The following RSBN1L variants were observed in gnomAD, a reference collection of about 807,000 sequenced individuals.
RSBN1L encodes lysine-specific demethylase RSBN1L.
Under a neutral mutation model 67.7 loss-of-function variants are expected in RSBN1L, and 30 were observed. That is an observed-to-expected ratio of 0.44 (90% CI 0.33 to 0.60). The LOEUF (loss-of-function observed/expected upper bound fraction) is 0.60. Among genes scored for constraint, RSBN1L ranks in the 20% least tolerant of loss-of-function variants. RSBN1L has a pLI of 0.02. For missense variants in RSBN1L, 992 were observed against 1,031.7 expected, an observed-to-expected ratio of 0.96 and a Z score of 0.53; for synonymous variants, 433 against 387.0, an observed-to-expected ratio of 1.12 and a Z score of -1.39.
intron 1 of RSBN1L, among the ~76,000 whole-genome samples, chr7:77,697,865 C>T (rs193186294): frequency 6.6e-6 from 1 of 152,128 alleles, no homozygotes; most frequent in African/African-American, 2.4e-5. Flanking sequence ...GTAGGCTAGT[C>T]GTATAATTTT....
rs1010795111 is a variant in RSBN1L, at chr7:77,731,734, T to A, written c.587-4676T>A. On this transcript the variant is annotated intron_variant, in intron 1 of 7. Coordinates refer to ENST00000334955, the MANE Select transcript of RSBN1L (RefSeq NM_198467.3). ...ATCCAGCTTTATCAGTTCTTTTTTT[T>A]AATCTATTGTGCCTTTGGTGCTGAA... Among the ~76,000 whole-genome samples, 5 of 152,192 alleles carry A rather than the reference T, an allele frequency of 3.3e-5. No homozygotes were observed. In the East Asian group the frequency reaches 5.8e-4, roughly 18 times the overall value.
At chr7:77,712,174 T>A (rs1009414034) in intron 1 of RSBN1L, among the ~76,000 whole-genome samples, 18 of 152,170 alleles carry the variant, frequency 1.2e-4, no homozygotes, top group Admixed American at 5.2e-4. Flanking sequence ...ATACTGTTGT[T>A]TTAATGATTA....
At chr7:77,734,538 G>T (rs2150420307) in intron 1 of RSBN1L, among the ~76,000 whole-genome samples, 1 of 151,874 alleles carries the variant, frequency 6.6e-6, no homozygotes, top group East Asian at 1.9e-4. Context: ...ACCCAGCCTG[G>T]AGTGCAGTGG....
At chr7:77,708,530 C>T (rs13238386) in intron 1 of RSBN1L, among the ~76,000 whole-genome samples, 84,328 of 151,498 alleles carry the variant, frequency 0.56, 25,489 homozygotes, top group African/African-American at 0.81. Context: ...TACAGGCGTC[C>T]GCCACCGCGC....
rs1189628740 is a variant in RSBN1L, at chr7:77,778,842, T to A, written c.2215T>A (p.Phe739Ile). Residue 739 changes from phenylalanine to isoleucine, a missense_variant, in exon 8 of 8, where the codon TTT becomes ATT. By Grantham distance (21) the Phe-to-Ile change is conservative. This residue lies in a region of RSBN1L where 199 missense variants were observed against 167.7 expected (regional missense o/e 1.19). Transcript: ENST00000334955. ...AVSKASLDSV[F>I]SDKLHSKYEL... Reference sequence around the variant, plus strand: ...AAGCAAAGCCTCCTTGGATTCTGTTTTTTCAGATAAACTTCATTCTAAATA... The same window carrying A: ...AAGCAAAGCCTCCTTGGATTCTGTTATTTCAGATAAACTTCATTCTAAATA... The A allele has an allele frequency of 1.2e-6, 2 of 1,614,006 alleles. No individual in the cohort carries two copies. Among genetic ancestry groups the A allele is most frequent in the Non-Finnish European group, 1.7e-6 (2 of 1,180,020 alleles).
chr7:77,778,036 A>T (rs937113313), intron 6 of RSBN1L, among the ~76,000 whole-genome samples: 1 of 152,190 alleles, frequency 6.6e-6, no homozygotes, highest in African/African-American at 2.4e-5. Context: ...TATTCTTCAA[A>T]TAGAACACTT....
chr7:77,745,618 T>C (rs1301085401), intron 2 of RSBN1L, among the ~76,000 whole-genome samples: 1 of 152,172 alleles, frequency 6.6e-6, no homozygotes, highest in African/African-American at 2.4e-5. Context: ...TTGTCTTTAA[T>C]GCAGTGGTCC....
chr7:77,703,068 C>T (rs533620987), intron 1 of RSBN1L, among the ~76,000 whole-genome samples: 29 of 152,212 alleles, frequency 1.9e-4, no homozygotes, highest in Middle Eastern at 6.8e-3. Flanking sequence ...AGGGTTCTAG[C>T]GCTTCATGGG....
chr7:77,710,155 A>G (rs1351823105), intron 1 of RSBN1L, among the ~76,000 whole-genome samples: 3 of 152,194 alleles, frequency 2.0e-5, no homozygotes, highest in African/African-American at 7.2e-5. Context: ...TTGCCTCCTT[A>G]GTGGGCTCCC....
chr7:77,774,973 T>C (rs1791895087), intron 6 of RSBN1L, among the ~76,000 whole-genome samples: 1 of 152,154 alleles, frequency 6.6e-6, no homozygotes, highest in African/African-American at 2.4e-5. Flanking sequence ...GCAAGCCTCC[T>C]GCCTCAGCCT....
intron 1 of RSBN1L, among the ~76,000 whole-genome samples, chr7:77,710,649 G>A (rs1033514089): frequency 6.6e-6 from 1 of 152,090 alleles, no homozygotes; most frequent in African/African-American, 2.4e-5. Context: ...AGGTTGGAGT[G>A]TAGTGGCGCG....
intron 1 of RSBN1L, among the ~76,000 whole-genome samples, chr7:77,709,198 ATGTATGTGTATG>A (rs1554337044): frequency 1.6e-5 from 1 of 63,644 alleles, no homozygotes; most frequent in Admixed American, 1.7e-4. Flanking sequence ...GTGTGTGTGT[ATGTATGTGTATG>A]TGTATGTGTG....
intron 1 of RSBN1L, among the ~76,000 whole-genome samples, chr7:77,719,329 G>A (rs574566551): frequency 1.3e-5 from 2 of 152,282 alleles, no homozygotes; most frequent in African/African-American, 4.8e-5. Flanking sequence ...TATATAACAA[G>A]TACAACGAGA....
At chr7:77,730,660 CCT>C (rs1036229664) in intron 1 of RSBN1L, among the ~76,000 whole-genome samples, 8 of 152,178 alleles carry the variant, frequency 5.3e-5, no homozygotes, top group Admixed American at 3.9e-4. Context: ...CGTTATGTAG[CCT>C]TTTCACACTG....
At chr7:77,749,351 A>T (rs1296555074) in intron 2 of RSBN1L, 73 bp from the exon 3 acceptor site, 12 of 1,164,908 alleles carry the variant, frequency 1.0e-5, no homozygotes, top group Non-Finnish European at 1.4e-5. Context: ...TCTTACTTAG[A>T]CAAAACTGTT....
At chr7:77,706,612 G>A (rs1291206872) in intron 1 of RSBN1L, among the ~76,000 whole-genome samples, 1 of 152,108 alleles carries the variant, frequency 6.6e-6, no homozygotes, top group South Asian at 2.1e-4. Context: ...TATTCTGGGG[G>A]GTGGGAAATT....
At chr7:77,721,671 T>A (rs781592796) in intron 1 of RSBN1L, among the ~76,000 whole-genome samples, 30 of 152,210 alleles carry the variant, frequency 2.0e-4, no homozygotes, top group Non-Finnish European at 2.6e-4. Context: ...TGAGTAATGA[T>A]GAATCAAGTA....
chr7:77,753,354 A>G (rs945104315), intron 3 of RSBN1L, among the ~76,000 whole-genome samples: 24 of 152,126 alleles, frequency 1.6e-4, no homozygotes, highest in African/African-American at 4.8e-4. Flanking sequence ...CTGTGGTTTA[A>G]TTTGTATTTC....
Position 77,778,895 on chromosome 7 carries a change from T to G in RSBN1L, c.2268T>G (p.Pro756=). 6.2e-7 allele frequency: 1 copy of G among 1,614,036 alleles called. No homozygotes were observed. Among genetic ancestry groups the G allele is most frequent in the Non-Finnish European group, 8.5e-7 (1 of 1,179,892 alleles). The stretch of plus-strand genomic sequence containing the variant: ...AATTACAGCAGATTAAACATGAACC[T>G]ATTGCATCTGTAAGAATCAAGGAAG... ...KYELQQIKHE[P]IASVRIKEEP... Residue 756 remains proline (P), a synonymous_variant, in exon 8 of 8, where the codon CCT becomes CCG. Coordinates refer to ENST00000334955, the MANE Select transcript of RSBN1L (RefSeq NM_198467.3).
Sources: allele counts gnomAD v4.1 joint callset (sites outside exome capture counted in the v4.1 genomes callset), GRCh38; gene constraint gnomAD v4.1.1; regional missense constraint gnomAD v4.1.1; transcripts MANE v1.5; gene names NCBI Gene and HGNC (gene_info 2026-07-23, HGNC 2026-07-21).